HMCN1: variants seen among roughly 807,000 people sequenced by gnomAD.
HMCN1 encodes hemicentin-1.
A neutral mutation model predicts 625.9 loss-of-function variants in HMCN1; 321 were observed. The ratio of observed to expected loss-of-function variants is 0.51; its 90% CI spans 0.47 to 0.56. The LOEUF (loss-of-function observed/expected upper bound fraction) is 0.56. HMCN1 is among the 20% of genes least tolerant of loss of function. The probability of loss-of-function intolerance (pLI) is 0.00; values close to 1 mark genes in which losing one functional copy is unlikely to be tolerated. For synonymous variants in HMCN1, 2,425 were observed against 2,417.6 expected, an observed-to-expected ratio of 1.00 and a Z score of -0.09; for missense variants, 6,588 against 6,887.3, an observed-to-expected ratio of 0.96 and a Z score of 1.54.
At chr1:185,933,374 TTAAG>T (rs1667649238) in intron 10 of HMCN1, among the ~76,000 whole-genome samples, 171 bp from the exon 11 acceptor site, 1 of 152,212 alleles carries the variant, frequency 6.6e-6, no homozygotes, top group African/African-American at 2.4e-5. Flanking sequence ...AAAGCATCCT[TTAAG>T]TGGTAATTTT....
intron 97 of HMCN1, among the ~76,000 whole-genome samples, chr1:186,159,028 G>A (rs923097371): frequency 5.3e-5 from 8 of 152,090 alleles, no homozygotes; most frequent in African/African-American, 1.9e-4. Context: ...GGGCAGTATG[G>A]CCATTTTCAC....
chr1:185,830,747 G>C (rs563740811), intron 1 of HMCN1, among the ~76,000 whole-genome samples: 1 of 152,016 alleles, frequency 6.6e-6, no homozygotes, highest in Non-Finnish European at 1.5e-5. Flanking sequence ...AATTAGCCAG[G>C]CGTGGTGGTG....
intron 36 of HMCN1, among the ~76,000 whole-genome samples, chr1:186,026,406 T>C (rs1017883113): frequency 6.6e-6 from 1 of 152,144 alleles, no homozygotes; most frequent in Non-Finnish European, 1.5e-5. Context: ...AAAAAGTTAA[T>C]CAAACTTAGC....
intron 102 of HMCN1, among the ~76,000 whole-genome samples, chr1:186,172,899 G>A (rs187091678): frequency 6.6e-6 from 1 of 152,260 alleles, no homozygotes; most frequent in South Asian, 2.1e-4. Flanking sequence ...ATACCCAAGA[G>A]AGTGACTGTA....
In HMCN1 at chr1:186,187,953, C is replaced by G; in HGVS notation, c.16485C>G (p.Ser5495Arg). ...PNRMCFNMRGSYQCIDTPCPP... is the reference protein window; with the variant it reads ...PNRMCFNMRGRYQCIDTPCPP... ...GCATGTGCTTCAACATGAGAGGAAG[C>G]TACCAGTGCATCGATACACCCTGTC... The change falls in exon 106 of 107, where the codon AGC (serine) becomes AGG (arginine). Residue 5495 changes from serine to arginine, a missense_variant. By Grantham distance (110) the Ser-to-Arg change is moderately radical. Around this residue, in one of 3 missense-constraint regions of HMCN1, gnomAD observed 1,954 missense variants for 2,013.1 expected, o/e 0.97. Coordinates refer to ENST00000271588, the MANE Select transcript of HMCN1 (RefSeq NM_031935.3). 1 of 1,613,822 alleles carries G rather than the reference C, an allele frequency of 6.2e-7. No homozygotes were observed. The highest frequency in any genetic ancestry group is 8.5e-7 in the Non-Finnish European group (1 of 1,179,788).
chr1:186,007,511 A>C (rs1053697631), intron 30 of HMCN1, among the ~76,000 whole-genome samples: 1 of 152,194 alleles, frequency 6.6e-6, no homozygotes, highest in East Asian at 1.9e-4. Flanking sequence ...AGTGATTTTT[A>C]TATAATCTCA....
At chr1:185,928,746 G>T in intron 10 of HMCN1, 79 bp downstream of exon 10, 6 of 1,428,210 alleles carry the variant, frequency 4.2e-6, no homozygotes, top group East Asian at 2.4e-5. Flanking sequence ...ACCAGTTTGT[G>T]TTTATACAAT....
At chr1:186,153,664 C>T (rs1046161583) in intron 96 of HMCN1, 86 bp from the exon 97 acceptor site, 32 of 1,055,618 alleles carry the variant, frequency 3.0e-5, no homozygotes, top group Admixed American at 1.2e-4. Flanking sequence ...CCTTTTTCCC[C>T]GCTCATTCTG....
chr1:185,929,049 G>C (rs954066008), intron 10 of HMCN1, among the ~76,000 whole-genome samples: 4 of 151,844 alleles, frequency 2.6e-5, no homozygotes, highest in Non-Finnish European at 4.4e-5. Flanking sequence ...TATTGTCAGG[G>C]ATTAATGAAT....
At chr1:185,842,926 G>C (rs900631808) in intron 1 of HMCN1, among the ~76,000 whole-genome samples, 4 of 152,024 alleles carry the variant, frequency 2.6e-5, no homozygotes, top group Non-Finnish European at 5.9e-5. Context: ...GAGCTGCATA[G>C]GTCACTCAGC....
In HMCN1 at chr1:186,055,591, A is replaced by G; in HGVS notation, c.7061A>G (p.His2354Arg). Residue 2354 changes from histidine to arginine, a missense_variant, in exon 45 of 107, where the codon CAT (histidine) becomes CGT (arginine). Physicochemically the swap from His to Arg is conservative, Grantham distance 29. Transcript: ENST00000271588. ...CACATCCTTCAGCTGAAGAACATTC[A>G]TGTATCTGACACAGGCCGTTATGTG... is the stretch of plus-strand genomic sequence containing the variant. ...EGHILQLKNI[H>R]VSDTGRYVCV... The G allele has an allele frequency of 1.9e-6, 3 of 1,612,854 alleles. No homozygotes were observed. Among genetic ancestry groups the G allele is most frequent in the Non-Finnish European group, 2.5e-6 (3 of 1,179,198 alleles).
At chr1:185,788,624 T>G (rs1396888325) in intron 1 of HMCN1, among the ~76,000 whole-genome samples, 2 of 152,176 alleles carry the variant, frequency 1.3e-5, no homozygotes, top group Non-Finnish European at 2.9e-5. Context: ...TTTCATGAGC[T>G]GAAGTTAAGT....
At chr1:185,853,901 C>T (rs532139234) in intron 2 of HMCN1, among the ~76,000 whole-genome samples, 6 of 152,236 alleles carry the variant, frequency 3.9e-5, no homozygotes, top group African/African-American at 7.2e-5. Context: ...TGAGTCATTG[C>T]GTGGCAAATA....
At chr1:186,137,330 GTTC>G (rs1197809891) in intron 87 of HMCN1, among the ~76,000 whole-genome samples, 165 bp from the exon 88 acceptor site, 4 of 152,190 alleles carry the variant, frequency 2.6e-5, no homozygotes, top group Admixed American at 2.0e-4. Flanking sequence ...GCTAACTGAA[GTTC>G]TTCTCTCTCT....
At chr1:186,037,328 G>A (rs972807497) in intron 36 of HMCN1, among the ~76,000 whole-genome samples, 6 of 151,928 alleles carry the variant, frequency 3.9e-5, no homozygotes, top group East Asian at 3.9e-4. Flanking sequence ...TATGCCTCTC[G>A]GACTTTACGA....
chr1:186,066,399 C>T (rs1190500431), intron 49 of HMCN1, among the ~76,000 whole-genome samples: 1 of 152,144 alleles, frequency 6.6e-6, no homozygotes, highest in Non-Finnish European at 1.5e-5. Flanking sequence ...GTGTTTGCAA[C>T]TTCCAATCTA....
In HMCN1 at chr1:186,128,265, G is replaced by A. The variant is rs1256216145; in HGVS notation, c.12878G>A (p.Trp4293Ter). ...GGTATTCCATTGCCCAAATTAACAT[G>A]GACCTTCAATAACAATATTATTCCA... ...ATGIPLPKLT[W>*]TFNNNIIPAH... The change falls in exon 83 of 107, where the codon TGG (tryptophan) becomes TAG (stop). Residue 4293 changes from tryptophan (W) to a stop codon, truncating the protein, a stop_gained. Coordinates refer to ENST00000271588, the MANE Select transcript of HMCN1 (RefSeq NM_031935.3). LOFTEE classifies it high-confidence loss of function. 1 of 1,613,126 alleles carries A rather than the reference G, an allele frequency of 6.2e-7. No homozygotes were observed.
intron 55 of HMCN1, 78 bp downstream of exon 55, chr1:186,078,298 A>G: frequency 1.0e-6 from 1 of 1,001,214 alleles, no homozygotes; most frequent in South Asian, 1.4e-5. Context: ...AGGATGTTAC[A>G]CTAAGCGCTT....
At chr1:185,837,676 A>G (rs567074035) in intron 1 of HMCN1, among the ~76,000 whole-genome samples, 58 of 152,148 alleles carry the variant, frequency 3.8e-4, no homozygotes, top group African/African-American at 1.3e-3. Flanking sequence ...CTTCATTAAG[A>G]AAAAAAACTC....
Sources: gnomAD v4.1 joint callset for allele counts (sites outside exome capture counted in the v4.1 genomes callset) on GRCh38, gnomAD v4.1.1 for gene constraint, gnomAD v4.1.1 regional missense constraint, MANE v1.5 for transcripts, NCBI Gene and HGNC (gene_info 2026-07-23, HGNC 2026-07-21) for gene names.